ORC4: variants seen among roughly 807,000 people sequenced by gnomAD.
ORC4 encodes origin recognition complex, subunit 4 homolog.
A neutral mutation model predicts 63.9 loss-of-function variants in ORC4; 55 were observed. The ratio of observed to expected loss-of-function variants is 0.86; its 90% CI spans 0.69 to 1.08. ORC4 has a LOEUF of 1.08. Ranked by LOEUF, ORC4 falls within the 50% of genes least tolerant of loss-of-function variation. The pLI is 0.00. For synonymous variants in ORC4, 150 were observed against 168.5 expected, an observed-to-expected ratio of 0.89 and a Z score of 0.85; for missense variants, 511 against 504.4, an observed-to-expected ratio of 1.01 and a Z score of -0.13.
At chr2:147,957,214 T>C (rs538467869) in intron 6 of ORC4, among the ~76,000 whole-genome samples, 4 of 147,320 alleles carry the variant, frequency 2.7e-5, no homozygotes, top group Admixed American at 1.4e-4. Context: ...TAGAATTACA[T>C]AGATTATATA....
At chr2:148,014,987 T>C (rs1427339975) in intron 1 of ORC4, among the ~76,000 whole-genome samples, 1 of 151,654 alleles carries the variant, frequency 6.6e-6, no homozygotes, top group Admixed American at 6.6e-5. Flanking sequence ...AGTAAGAATA[T>C]CACCAATATC....
rs11895196 is a variant in ORC4 at position 148,006,475 on chromosome 2, C to T, written c.-18+14158G>A. Reference sequence around the variant, plus strand: ...AGATAAAACCCAGTGCAATACCACCCGTGGCAGCTAAGGGAATCCCTGAGG... The same window carrying T: ...AGATAAAACCCAGTGCAATACCACCTGTGGCAGCTAAGGGAATCCCTGAGG... On this transcript the variant is annotated intron_variant, in intron 1 of 13. Coordinates refer to ENST00000392857, the MANE Select transcript of ORC4 (RefSeq NM_181741.4). Among the ~76,000 whole-genome samples, 1,107 of 152,240 alleles carry T rather than the reference C, an allele frequency of 7.3e-3. 13 individuals carry two copies. Among genetic ancestry groups the T allele is most frequent in the African/African-American group, 0.025 (1,040 of 41,544 alleles).
chr2:147,956,612 A>G (rs191195903), intron 6 of ORC4, among the ~76,000 whole-genome samples: 83 of 152,200 alleles, frequency 5.5e-4, no homozygotes, highest in African/African-American at 1.9e-3. Flanking sequence ...AATTTATATA[A>G]TGAAGGAATT....
rs963986136 is a variant in ORC4 at position 147,932,299 on chromosome 2, TAA to T, written c.*3209_*3210del. ...AACTACAAGCTACTGCTCAAGGAAA[TAA>T]AAGAGGATACAAACAAATGGAAGAA... On this transcript the variant is annotated 3_prime_UTR_variant, in exon 14 of 14. Transcript: ENST00000392857. The T allele has an allele frequency of 2.6e-5, 4 of 151,900 alleles. No individual in the cohort carries two copies. The highest frequency in any genetic ancestry group is 9.7e-5 in the African/African-American group (4 of 41,312). The allele number at this position is 151,900 out of a possible 1,614,324, so 9.4% of individuals were successfully genotyped here. A position where few individuals can be genotyped will look rare whatever the true frequency, so the allele number is the denominator to read the frequency against.
intron 1 of ORC4, among the ~76,000 whole-genome samples, chr2:148,018,419 G>C (rs1371607755): frequency 6.6e-6 from 1 of 152,112 alleles, no homozygotes; most frequent in African/African-American, 2.4e-5. Context: ...ATAAACATAC[G>C]TACTCTACAA....
intron 1 of ORC4, among the ~76,000 whole-genome samples, chr2:147,984,006 C>T (rs890642891): frequency 4.6e-5 from 7 of 152,174 alleles, no homozygotes; most frequent in Non-Finnish European, 5.9e-5. Flanking sequence ...TCTGAATATA[C>T]AAGACTACTC....
chr2:147,991,640 A>C (rs1691615389), intron 1 of ORC4, among the ~76,000 whole-genome samples: 2 of 151,934 alleles, frequency 1.3e-5, no homozygotes, highest in Non-Finnish European at 2.9e-5. Flanking sequence ...ACCAGACTAG[A>C]CAACATGGTG....
chr2:147,955,367 AGAAAT>A lies in ORC4; in HGVS notation c.411_415del (p.Phe138SerfsTer8). On this transcript the variant is annotated frameshift_variant, in exon 7 of 14. Transcript: ENST00000392857. LOFTEE classifies it high-confidence loss of function. ...TTTACCTTTTTTTAAAGCTTCCAGA[AGAAAT>A]GAAAGGTTTTCAGCAAAGCTTCCCT... The A allele has an allele frequency of 6.2e-7, 1 of 1,604,408 alleles. No homozygotes were observed. The highest frequency in any genetic ancestry group is 8.5e-7 in the Non-Finnish European group (1 of 1,172,436).
chr2:147,938,270 G>T (rs1276562749), intron 12 of ORC4, 28 bp downstream of exon 12: 2 of 1,590,556 alleles, frequency 1.3e-6, no homozygotes, highest in Non-Finnish European at 8.6e-7. Context: ...GGAAGAGTCA[G>T]AAAAAAGCTA....
chr2:147,956,568 C>T (rs546433284), intron 6 of ORC4, among the ~76,000 whole-genome samples: 12 of 152,078 alleles, frequency 7.9e-5, no homozygotes, highest in East Asian at 1.9e-4. Flanking sequence ...TTATGACCTT[C>T]GGCAACCTAA....
chr2:148,008,050 C>T (rs1043423398), intron 1 of ORC4, among the ~76,000 whole-genome samples: 6 of 152,130 alleles, frequency 3.9e-5, no homozygotes, highest in African/African-American at 1.4e-4. Context: ...CTAATACATC[C>T]ACCGAAATTA....
chr2:147,973,413 A>G (rs774789644), intron 3 of ORC4, 35 bp downstream of exon 3: 11 of 1,237,602 alleles, frequency 8.9e-6, no homozygotes, highest in Non-Finnish European at 1.3e-5. Flanking sequence ...ATCTGTAAGT[A>G]GGTCCATAAC....
At chr2:147,975,550 G>A (rs962400476) in intron 2 of ORC4, among the ~76,000 whole-genome samples, 6 of 146,320 alleles carry the variant, frequency 4.1e-5, no homozygotes, top group African/African-American at 1.5e-4. Context: ...AAAAGTAAAA[G>A]CTAGAATTCT....
At chr2:147,952,336 A>G (rs748648593) in intron 8 of ORC4, 37 bp downstream of exon 8, 2 of 1,433,124 alleles carry the variant, frequency 1.4e-6, no homozygotes, top group East Asian at 4.8e-5. Flanking sequence ...ATTTTAAAAT[A>G]TTATAATCAA....
At chr2:148,007,090 A>C (rs1692681272) in intron 1 of ORC4, among the ~76,000 whole-genome samples, 1 of 152,190 alleles carries the variant, frequency 6.6e-6, no homozygotes, top group East Asian at 1.9e-4. Context: ...AAATGGCTGC[A>C]GTGACTACAG....
At chr2:147,942,000 C>G (rs1283761800) in intron 10 of ORC4, among the ~76,000 whole-genome samples, 1 of 152,064 alleles carries the variant, frequency 6.6e-6, no homozygotes, top group East Asian at 1.9e-4. Context: ...AAACTTGAAG[C>G]CAGAGAGCTT....
chr2:147,993,914 T>C (rs575419842), intron 1 of ORC4, among the ~76,000 whole-genome samples: 1 of 152,288 alleles, frequency 6.6e-6, no homozygotes, highest in Non-Finnish European at 1.5e-5. Context: ...CCTTTTCTCA[T>C]CATTCTTTGT....
chr2:147,998,096 C>A (rs1056748156), intron 1 of ORC4, among the ~76,000 whole-genome samples: 2 of 152,066 alleles, frequency 1.3e-5, no homozygotes, highest in Non-Finnish European at 2.9e-5. Flanking sequence ...CATAAACAAA[C>A]CATACAAGTG....
chr2:147,958,839 TGAGTTC>T lies in ORC4; in HGVS notation c.247_252del (p.Glu83_Leu84del). 1 of 1,419,774 alleles carries T rather than the reference TGAGTTC, an allele frequency of 7.0e-7. No homozygotes were observed. The highest frequency in any genetic ancestry group is 1.0e-6 in the Non-Finnish European group (1 of 1,004,836). 87.9% of individuals were successfully genotyped at this position (1,419,774 alleles called of 1,614,324 possible). On this transcript the variant is annotated inframe_deletion, in exon 5 of 14. Transcript: ENST00000392857. ...TTTTCACTCACTTCTTCTATTTCCATGAGTTCTTTCAAAGCATGATTTATTAACTAA... is the reference window on the plus strand; with the variant it reads ...TTTTCACTCACTTCTTCTATTTCCATTTTCAAAGCATGATTTATTAACTAA...
Sources: allele counts gnomAD v4.1 joint callset (sites outside exome capture counted in the v4.1 genomes callset), GRCh38; gene constraint gnomAD v4.1.1; transcripts MANE v1.5; gene names NCBI Gene and HGNC (gene_info 2026-07-23, HGNC 2026-07-21).